ARFGEF2: variants seen among roughly 807,000 people sequenced by gnomAD.
The protein encoded by ARFGEF2 is ARF guanine nucleotide exchange factor 2.
In ARFGEF2, 74 loss-of-function variants were observed where a neutral mutation model predicts 219.9. The observed-to-expected ratio is 0.34, with a 90% CI of 0.28 to 0.41. The LOEUF (loss-of-function observed/expected upper bound fraction) is 0.41, where lower values mean the gene tolerates loss of function less well. ARFGEF2 is among the 10% of genes least tolerant of loss of function. The probability of loss-of-function intolerance (pLI) is 1.00; values close to 1 mark genes in which losing one functional copy is unlikely to be tolerated. For synonymous variants in ARFGEF2, 733 were observed against 799.2 expected (o/e 0.92, Z 1.40); for missense variants, 1,743 against 2,218.3 (o/e 0.79, Z 4.30).
At chr20:48,939,132 G>A (rs1426458801) in intron 1 of ARFGEF2, among the ~76,000 whole-genome samples, 3 of 151,788 alleles carry the variant, frequency 2.0e-5, no homozygotes, top group African/African-American at 4.8e-5. Context: ...GTGGTACCAC[G>A]CCCTGCTAAT....
chr20:49,026,261 G>T (rs1004496586), intron 36 of ARFGEF2, among the ~76,000 whole-genome samples: 3 of 152,136 alleles, frequency 2.0e-5, no homozygotes, highest in Non-Finnish European at 4.4e-5. Flanking sequence ...AGCCTAGGAG[G>T]TGGAGGTTGC....
intron 26 of ARFGEF2, among the ~76,000 whole-genome samples, chr20:49,006,113 G>A (rs1309366077): frequency 6.6e-6 from 1 of 152,004 alleles, no homozygotes; most frequent in African/African-American, 2.4e-5. Context: ...GGCCAACATG[G>A]TGAAACCCCG....
chr20:48,925,405 C>T (rs934626384), intron 1 of ARFGEF2, among the ~76,000 whole-genome samples: 2 of 152,188 alleles, frequency 1.3e-5, no homozygotes, highest in Non-Finnish European at 2.9e-5. Context: ...TAATTACATT[C>T]TTAAACCTCC....
intron 34 of ARFGEF2, 49 bp from the exon 35 acceptor site, chr20:49,023,002 C>T (rs767455898): frequency 3.7e-5 from 60 of 1,611,786 alleles, no homozygotes; most frequent in Admixed American, 1.5e-4. Context: ...GATATTTCTT[C>T]AGTATTGGCT....
intron 6 of ARFGEF2, among the ~76,000 whole-genome samples, chr20:48,955,962 A>C (rs1247174516): frequency 6.6e-6 from 1 of 152,120 alleles, no homozygotes; most frequent in African/African-American, 2.4e-5. Context: ...CCCCATCTCT[A>C]AATCAGTCAG....
At chr20:48,988,705 T>C (rs1296864414) in intron 18 of ARFGEF2, 43 bp downstream of exon 18, 1 of 1,583,340 alleles carries the variant, frequency 6.3e-7, no homozygotes, top group Non-Finnish European at 8.7e-7. Flanking sequence ...TCTAATTTTT[T>C]AGTGTATCAG....
At chr20:48,935,573 A>T (rs2090943095) in intron 1 of ARFGEF2, among the ~76,000 whole-genome samples, 1 of 152,044 alleles carries the variant, frequency 6.6e-6, no homozygotes, top group Non-Finnish European at 1.5e-5. Flanking sequence ...CAAAACCGCC[A>T]CTGTCATCAT....
chr20:49,016,887 C>G (rs539791408), intron 31 of ARFGEF2, among the ~76,000 whole-genome samples: 1 of 152,028 alleles, frequency 6.6e-6, no homozygotes, highest in East Asian at 1.9e-4. Context: ...AAATAAATGA[C>G]AAAACATTTG....
chr20:48,936,524 CTT>C lies in ARFGEF2; in HGVS notation c.122-4674_122-4673del, dbSNP rs552812816. ...GGTTGCCGGGCAGAGGGTCTCCTCA[CTT>C]CTCTCTTTTTTTTTTGAGACGGAGT... On this transcript the variant is annotated intron_variant, in intron 1 of 38. Coordinates refer to ENST00000371917, the MANE Select transcript of ARFGEF2 (RefSeq NM_006420.3). Among the ~76,000 whole-genome samples the C allele has an allele frequency of 4.4e-3, 663 of 152,016 alleles. 2 individuals carry two copies. Among genetic ancestry groups the C allele is most frequent in the African/African-American group, 0.014 (583 of 41,494 alleles).
chr20:49,021,993 C>G (rs1307139654), intron 34 of ARFGEF2, among the ~76,000 whole-genome samples: 1 of 151,108 alleles, frequency 6.6e-6, no homozygotes, highest in African/African-American at 2.4e-5. Flanking sequence ...CCTAAAATTA[C>G]AAAAAACTAG....
At chr20:49,007,391 A>G (rs545455874) in intron 26 of ARFGEF2, among the ~76,000 whole-genome samples, 1 of 151,676 alleles carries the variant, frequency 6.6e-6, no homozygotes, top group East Asian at 1.9e-4. Context: ...TTTGGTTCAA[A>G]CAATTCTCCT....
chr20:49,004,529 C>T (rs533349798), intron 25 of ARFGEF2, among the ~76,000 whole-genome samples: 15 of 151,880 alleles, frequency 9.9e-5, no homozygotes, highest in East Asian at 3.9e-4. Context: ...AGGTTGGGCG[C>T]GGTGGCTCAC....
intron 1 of ARFGEF2, among the ~76,000 whole-genome samples, chr20:48,940,994 AC>A (rs2090989824): frequency 6.6e-6 from 1 of 152,210 alleles, no homozygotes; most frequent in South Asian, 2.1e-4. Flanking sequence ...TAAAACACTT[AC>A]AGTAATGCCT....
intron 6 of ARFGEF2, among the ~76,000 whole-genome samples, chr20:48,961,048 C>G (rs73611313): frequency 6.7e-6 from 1 of 148,544 alleles, no homozygotes; most frequent in East Asian, 2.0e-4. Context: ...CCACTGCACT[C>G]GACCCTGGCA....
At chr20:48,971,915 A>T (rs1213780510) in intron 10 of ARFGEF2, among the ~76,000 whole-genome samples, 1 of 152,104 alleles carries the variant, frequency 6.6e-6, no homozygotes, top group Non-Finnish European at 1.5e-5. Flanking sequence ...AAAAAAAGTT[A>T]CTGCCCCCGG....
At chr20:48,963,972 G>T in intron 7 of ARFGEF2, 74 bp downstream of exon 7, 1 of 1,410,696 alleles carries the variant, frequency 7.1e-7, no homozygotes, top group Non-Finnish European at 9.9e-7. Context: ...ATATTTTAGT[G>T]GTGGAGTTTC....
intron 26 of ARFGEF2, among the ~76,000 whole-genome samples, chr20:49,005,667 G>C (rs923767621): frequency 2.0e-5 from 3 of 150,358 alleles, no homozygotes; most frequent in African/African-American, 7.4e-5. Flanking sequence ...GAACTCAGGA[G>C]GCAGAGCTTG....
rs780073696 is a variant in ARFGEF2 at position 48,989,301 on chromosome 20, G to A, written c.2550G>A (p.Lys850=). Residue 850 remains lysine (K), a synonymous_variant, in exon 19 of 39, where the codon AAG becomes AAA. Coordinates refer to ENST00000371917, the MANE Select transcript of ARFGEF2 (RefSeq NM_006420.3). ...KSTKQNVASE[K]QRRLLYNLEM... is the part of the protein sequence containing the mutation. ...ACTTTACAGATGTAGCTAGTGAAAA[G>A]CAGCGGCGGCTGCTGTACAACTTAG... The A allele has an allele frequency of 1.4e-5, 22 of 1,613,998 alleles. No homozygotes were observed. The highest frequency in any genetic ancestry group is 1.8e-5 in the Non-Finnish European group (21 of 1,179,960).
intron 26 of ARFGEF2, among the ~76,000 whole-genome samples, chr20:49,008,851 G>A (rs1640901526): frequency 6.6e-6 from 1 of 151,762 alleles, no homozygotes; most frequent in African/African-American, 2.4e-5. Flanking sequence ...GGAATCACAG[G>A]CGTGCATCAC....
Sources: gnomAD v4.1 joint callset for allele counts (sites outside exome capture counted in the v4.1 genomes callset) on GRCh38, gnomAD v4.1.1 for gene constraint, MANE v1.5 for transcripts, NCBI Gene and HGNC (gene_info 2026-07-23, HGNC 2026-07-21) for gene names.